CYLD: variants seen among roughly 807,000 people sequenced by gnomAD.
CYLD encodes ubiquitin carboxyl-terminal hydrolase CYLD.
CYLD carries 26 observed loss-of-function variants against 104.5 expected under a neutral mutation model. The ratio of observed to expected loss-of-function variants is 0.25; its 90% CI spans 0.18 to 0.35. CYLD has a LOEUF of 0.35. Ranked by LOEUF, CYLD falls within the 10% of genes least tolerant of loss-of-function variation. The pLI is 1.00. For synonymous variants in CYLD, 385 were observed against 399.9 expected (o/e 0.96, Z 0.45); for missense variants, 703 against 1,136.1 (o/e 0.62, Z 5.48).
intron 1 of CYLD, chr16:50,742,401 TTC>T (rs1491454397): frequency 5.9e-6 from 1 of 168,462 alleles, no homozygotes; most frequent in African/African-American, 2.5e-5. Flanking sequence ...CAGCCCGGGT[TTC>T]CCCCCCCCAC....
Position 50,781,419 on chromosome 16 carries a change from G to T in CYLD, c.1684+8G>T. 1.2e-6 allele frequency: 2 copies of T among 1,613,132 alleles called. No individual in the cohort carries two copies. Among genetic ancestry groups the T allele is most frequent in the Non-Finnish European group, 1.7e-6 (2 of 1,179,798 alleles). On this transcript the variant is annotated splice_region_variant and intron_variant, in intron 10 of 18. Coordinates refer to ENST00000427738, the MANE Select transcript of CYLD (RefSeq NM_001378743.1). ...AGCGCTGTAACTCTTTAGGTATTTG[G>T]ATGCTTTTTGTTTACTTAACAACCT...
intron 5 of CYLD, among the ~76,000 whole-genome samples, chr16:50,770,247 CT>C (rs1056773504): frequency 6.6e-6 from 1 of 152,158 alleles, no homozygotes; most frequent in African/African-American, 2.4e-5. Context: ...TGTACTCTTA[CT>C]TTACCACTGG....
chr16:50,786,745 G>C, intron 12 of CYLD, 110 bp from the exon 13 acceptor site: 6 of 796,200 alleles, frequency 7.5e-6, no homozygotes, highest in Non-Finnish European at 1.2e-5. Context: ...CTGAGTGATA[G>C]AGTGAGACTC....
Position 50,794,136 on chromosome 16 carries a change from C to A in CYLD, c.2470-76C>A. On this transcript the variant is annotated intron_variant, in intron 17 of 18. Transcript: ENST00000427738. The surrounding 1 kb of genome is among the most constrained non-coding windows in gnomAD (Gnocchi z 4.1). ...AGAGACAGGGTTTCACCATCTTGAT[C>A]AGGCTGGTCTTGAACTCCTGACCTC... The A allele has an allele frequency of 7.6e-7, 1 of 1,322,040 alleles. No homozygotes were observed. Among genetic ancestry groups the A allele is most frequent in the Non-Finnish European group, 1.1e-6 (1 of 917,464 alleles). The allele number at this position is 1,322,040 out of a possible 1,614,324, so 81.9% of individuals were successfully genotyped here.
At chr16:50,769,706 A>G (rs1251775344) in intron 5 of CYLD, among the ~76,000 whole-genome samples, 2 of 152,170 alleles carry the variant, frequency 1.3e-5, no homozygotes, top group Non-Finnish European at 2.9e-5. Flanking sequence ...CAACATCACA[A>G]CCAGAATGTT....
Position 50,800,586 on chromosome 16 carries a change from T to G in CYLD, c.*4078T>G. 4.3e-6 allele frequency: 1 copy of G among 232,790 alleles called. No homozygotes were observed. The allele number at this position is 232,790 out of a possible 1,614,324, so 14.4% of individuals were successfully genotyped here. On this transcript the variant is annotated 3_prime_UTR_variant, in exon 19 of 19. Transcript: ENST00000427738. The stretch of plus-strand genomic sequence containing the variant: ...CTGGATATTTTCTTCCCCTTTTATT[T>G]ATTTAGAGGAAATTGAGATTCTAGG...
chr16:50,749,625 A>T lies in CYLD; in HGVS notation c.-74A>T, dbSNP rs1433528720. 4.7e-6 allele frequency: 7 copies of T among 1,489,822 alleles called. No individual in the cohort carries two copies. The highest frequency in any genetic ancestry group is 1.8e-4 in the Middle Eastern group (1 of 5,698). The allele number at this position is 1,489,822 out of a possible 1,614,324, so 92.3% of individuals were successfully genotyped here. Reference sequence around the variant, plus strand: ...ATGCTTTGGGACTGCCACTGAATTTATCTTTTGCGGTTTTATGACAAAGTT... The same window carrying T: ...ATGCTTTGGGACTGCCACTGAATTTTTCTTTTGCGGTTTTATGACAAAGTT... On this transcript the variant is annotated 5_prime_UTR_variant, in exon 3 of 19. Transcript: ENST00000427738.
At chr16:50,775,346 C>T (rs531407718) in intron 6 of CYLD, among the ~76,000 whole-genome samples, 172 bp downstream of exon 6, 20 of 152,230 alleles carry the variant, frequency 1.3e-4, no homozygotes, top group South Asian at 2.1e-4. Context: ...AACAAGTTTG[C>T]CACACTTATT....
At chr16:50,759,156 C>T (rs910415520) in intron 5 of CYLD, among the ~76,000 whole-genome samples, 27 of 152,120 alleles carry the variant, frequency 1.8e-4, no homozygotes, top group African/African-American at 6.3e-4. Context: ...CCAGGAGAAT[C>T]GCTTGAACCT....
chr16:50,753,285 A>G (rs1350907488), intron 4 of CYLD, among the ~76,000 whole-genome samples: 1 of 152,194 alleles, frequency 6.6e-6, no homozygotes, highest in East Asian at 1.9e-4. Context: ...TTCAGTCTTT[A>G]TTTCAAGGAG....
rs368734501 is a variant in CYLD at position 50,794,161 on chromosome 16, C to T, written c.2470-51C>T. 1.6e-5 allele frequency: 24 copies of T among 1,522,894 alleles called. No homozygotes were observed. Among genetic ancestry groups the T allele is most frequent in the Admixed American group, 1.0e-4 (6 of 59,886 alleles). 94.3% of individuals were successfully genotyped at this position (1,522,894 alleles called of 1,614,324 possible). A position where few individuals can be genotyped will look rare whatever the true frequency, so the allele number is the denominator to read the frequency against. On this transcript the variant is annotated intron_variant, in intron 17 of 18. Coordinates refer to ENST00000427738, the MANE Select transcript of CYLD (RefSeq NM_001378743.1). The surrounding 1 kb of genome is among the most constrained non-coding windows in gnomAD (Gnocchi z 4.1). ...CAGGCTGGTCTTGAACTCCTGACCT[C>T]GTGATCCACCAGCCTCGGCCTAATG... is the stretch of plus-strand genomic sequence containing the variant.
At chr16:50,778,477 G>C (rs1969901768) in intron 8 of CYLD, among the ~76,000 whole-genome samples, 1 of 152,200 alleles carries the variant, frequency 6.6e-6, no homozygotes, top group South Asian at 2.1e-4. Context: ...CCTTGGTGGT[G>C]TGTGCAGTGA....
At chr16:50,787,145 A>G (rs1970923976) in intron 13 of CYLD, 199 bp downstream of exon 13, 1 of 594,832 alleles carries the variant, frequency 1.7e-6, no homozygotes. Flanking sequence ...GGAATAATGA[A>G]CTCCTTTAAG....
intron 14 of CYLD, 89 bp downstream of exon 14, chr16:50,787,941 A>T (rs1971017854): frequency 3.9e-6 from 3 of 776,410 alleles, no homozygotes; most frequent in Non-Finnish European, 2.2e-6. Context: ...TTCCAGAATG[A>T]TTTCTTAATA....
chr16:50,794,128 A>G lies in CYLD; in HGVS notation c.2470-84A>G. 1 of 1,274,912 alleles carries G rather than the reference A, an allele frequency of 7.8e-7. No homozygotes were observed. The highest frequency in any genetic ancestry group is 1.1e-6 in the Non-Finnish European group (1 of 875,514). The allele number at this position is 1,274,912 out of a possible 1,614,324, so 79.0% of individuals were successfully genotyped here. ...TTTTTAACAGAGACAGGGTTTCACCATCTTGATCAGGCTGGTCTTGAACTC... is the reference window on the plus strand; with the variant it reads ...TTTTTAACAGAGACAGGGTTTCACCGTCTTGATCAGGCTGGTCTTGAACTC... On this transcript the variant is annotated intron_variant, in intron 17 of 18. Coordinates refer to ENST00000427738, the MANE Select transcript of CYLD (RefSeq NM_001378743.1). The surrounding 1 kb of genome is among the most constrained non-coding windows in gnomAD (Gnocchi z 4.1).
chr16:50,751,817 G>T lies in CYLD; in HGVS notation c.718G>T (p.Val240Phe). The change falls in exon 4 of 19, where the codon GTT becomes TTT. Residue 240 changes from valine to phenylalanine, a missense_variant. Val to Phe is a conservative substitution (Grantham distance 50, BLOSUM62 -1). Transcript: ENST00000427738. ...AATAAACTCCAGAGTTTCTTTGAAG[G>T]TTGGAGAAACAATAGAATCTGGAAC... ...LEINSRVSLK[V>F]GETIESGTVI... 1 of 1,613,530 alleles carries T rather than the reference G, an allele frequency of 6.2e-7. No individual in the cohort carries two copies. The highest frequency in any genetic ancestry group is 8.5e-7 in the Non-Finnish European group (1 of 1,179,658).
chr16:50,775,355 T>C (rs1027731390), intron 6 of CYLD, among the ~76,000 whole-genome samples, 181 bp downstream of exon 6: 2 of 152,348 alleles, frequency 1.3e-5, no homozygotes, highest in South Asian at 2.1e-4. Flanking sequence ...GCCACACTTA[T>C]TACACCTATA....
chr16:50,800,894 A>G lies in CYLD; in HGVS notation c.*4386A>G, dbSNP rs1287617330. On this transcript the variant is annotated 3_prime_UTR_variant, in exon 19 of 19. Coordinates refer to ENST00000427738, the MANE Select transcript of CYLD (RefSeq NM_001378743.1). ...GCAGGTGAGGAGTCGGGGAGGAGAA[A>G]GCGATGTTAAAATGAAAACTCACTG... is the stretch of plus-strand genomic sequence containing the variant. The G allele has an allele frequency of 1.3e-5, 3 of 233,308 alleles. No individual in the cohort carries two copies. Among genetic ancestry groups the G allele is most frequent in the African/African-American group, 6.6e-5 (3 of 45,332 alleles). 14.5% of individuals were successfully genotyped at this position (233,308 alleles called of 1,614,324 possible).
Position 50,749,891 on chromosome 16 carries a change from G to A in CYLD, c.193G>A (p.Gly65Ser), listed in dbSNP as rs773427979. The change falls in exon 3 of 19, where the codon GGC becomes AGC. Residue 65 changes from glycine to serine, a missense_variant. Physicochemically the swap from Gly to Ser is moderately conservative, Grantham distance 56 (BLOSUM62 0). Coordinates refer to ENST00000427738, the MANE Select transcript of CYLD (RefSeq NM_001378743.1). ...VGHSRIPSAK[G>S]KKNQIGLKIL... ...GCATTCAAGGATTCCTTCTGCAAAAGGCAAGAAAAATCAGATTGGATTAAA... is the reference window on the plus strand; with the variant it reads ...GCATTCAAGGATTCCTTCTGCAAAAAGCAAGAAAAATCAGATTGGATTAAA... 1 of 1,614,104 alleles carries A rather than the reference G, an allele frequency of 6.2e-7. No individual in the cohort carries two copies. The highest frequency in any genetic ancestry group is 1.7e-5 in the Admixed American group (1 of 60,008).
Sources: allele counts gnomAD v4.1 joint callset (sites outside exome capture counted in the v4.1 genomes callset), GRCh38; gene constraint gnomAD v4.1.1; non-coding constraint Gnocchi (gnomAD v3.1); transcripts MANE v1.5; gene names NCBI Gene and HGNC (gene_info 2026-07-23, HGNC 2026-07-21).